RPAP1: variants seen among roughly 807,000 people sequenced by gnomAD.
RPAP1 encodes the protein RNA polymerase II associated protein 1.
In RPAP1, 109 loss-of-function variants were observed where a neutral mutation model predicts 142.4. That is an observed-to-expected ratio of 0.77 (90% CI 0.66 to 0.90). The LOEUF is 0.90. Among genes scored for constraint, RPAP1 ranks in the 40% least tolerant of loss-of-function variants. RPAP1 has a pLI of 0.00. For missense variants in RPAP1, 1,546 were observed against 1,751.7 expected (o/e 0.88, Z 2.10); for synonymous variants, 704 against 738.9 (o/e 0.95, Z 0.77).
intron 14 of RPAP1, among the ~76,000 whole-genome samples, 179 bp downstream of exon 14, chr15:41,526,719 G>A (rs1473781): frequency 0.27 from 41,121 of 152,140 alleles, 6,885 homozygotes; most frequent in Admixed American, 0.37. Flanking sequence ...CCAGGCTCCA[G>A]TAAACAGGCT....
chr15:41,528,524 G>A (rs949022771), intron 9 of RPAP1, among the ~76,000 whole-genome samples, 188 bp from the exon 10 acceptor site: 33 of 152,198 alleles, frequency 2.2e-4, no homozygotes, highest in Admixed American at 2.2e-3. Flanking sequence ...GCAGAGGAAC[G>A]TGATAACTGA....
chr15:41,528,559 G>GGA (rs367552869), intron 9 of RPAP1, among the ~76,000 whole-genome samples: 5 of 152,294 alleles, frequency 3.3e-5, no homozygotes, highest in Admixed American at 2.6e-4. Context: ...CCGGCGGACA[G>GGA]GAGAGAGAGA....
In RPAP1 at chr15:41,520,876, G is replaced by A; in HGVS notation, c.3310C>T (p.Leu1104=). The A allele has an allele frequency of 1.2e-6, 2 of 1,613,764 alleles. No individual in the cohort carries two copies. Among genetic ancestry groups the A allele is most frequent in the Non-Finnish European group, 1.7e-6 (2 of 1,180,024 alleles). The change falls in exon 22 of 25, where the codon CTG becomes TTG. Residue 1104 remains leucine, a synonymous_variant. Transcript: ENST00000304330. ...EPLLPTDWPF[L]PLIRLYHRAS... ...CGGTGGTAGAGGCGAATCAGTGGCA[G>A]GAAGGGCCAGTCGGTGGGCAGCAGC...
At chr15:41,527,628 G>T in intron 11 of RPAP1, 23 bp from the exon 12 acceptor site, 19 of 1,599,090 alleles carry the variant, frequency 1.2e-5, no homozygotes, top group Non-Finnish European at 1.6e-5. Context: ...CGGGAGTTGG[G>T]GGGCAATGCT....
At position 41,520,864 on chromosome 15, in the gene RPAP1, GA is replaced by G; in HGVS notation, c.3321del (p.Arg1108AlafsTer30). On this transcript the variant is annotated frameshift_variant, in exon 22 of 25. Coordinates refer to ENST00000304330, the MANE Select transcript of RPAP1 (RefSeq NM_015540.4). LOFTEE classifies it high-confidence loss of function. ...LPTDWPFLPL[I>X]RLYHRASDTP... is the part of the protein sequence containing the mutation. ...GTGTCTGAAGCCCGGTGGTAGAGGCGAATCAGTGGCAGGAAGGGCCAGTCGG... is the reference window on the plus strand; with the variant it reads ...GTGTCTGAAGCCCGGTGGTAGAGGCGATCAGTGGCAGGAAGGGCCAGTCGG... 2 of 1,613,874 alleles carry G rather than the reference GA, an allele frequency of 1.2e-6. No homozygotes were observed. Among genetic ancestry groups the G allele is most frequent in the Non-Finnish European group, 1.7e-6 (2 of 1,180,030 alleles).
rs557053819 is a variant in RPAP1, at chr15:41,536,342, C to T, written c.331-124G>A. The stretch of plus-strand genomic sequence containing the variant: ...TCTGGGGGGTTACGGACCCTCCTCC[C>T]TTCAGGGCAGTGATTCTAACCCAGC... On this transcript the variant is annotated intron_variant, in intron 3 of 24. Transcript: ENST00000304330. The T allele has an allele frequency of 4.7e-4, 619 of 1,309,844 alleles. 5 individuals carry two copies. The African/African-American group carries it at 7.8e-3, about 17-fold the overall frequency. The allele number at this position is 1,309,844 out of a possible 1,614,324, so 81.1% of individuals were successfully genotyped here.
Position 41,534,807 on chromosome 15 carries a change from C to T in RPAP1, c.670G>A (p.Ala224Thr), listed in dbSNP as rs762508894. ...ATGTTCTCTTCATGGATAGTCTGGG[C>T]TTCCTGCTCAGCTTCTTGATCCCTG... ...GLRDQEAEQE[A>T]QTIHEENIAR... Residue 224 changes from alanine (A) to threonine (T), a missense_variant, in exon 6 of 25, where the codon GCC becomes ACC. By Grantham distance (58) the Ala-to-Thr change is moderately conservative. Transcript: ENST00000304330. 12 of 1,614,130 alleles carry T rather than the reference C, an allele frequency of 7.4e-6. No individual in the cohort carries two copies. Among genetic ancestry groups the T allele is most frequent in the Non-Finnish European group, 9.3e-6 (11 of 1,180,018 alleles).
intron 6 of RPAP1, among the ~76,000 whole-genome samples, chr15:41,531,617 ATATATATATATTT>A (rs1566887867): frequency 3.2e-5 from 3 of 95,022 alleles, no homozygotes; most frequent in Admixed American, 1.1e-4. Flanking sequence ...ATATATATAT[ATATATATATATTT>A]TTTTTTTTTT....
At chr15:41,536,765 G>A in intron 2 of RPAP1, 116 bp from the exon 3 acceptor site, 1 of 1,439,886 alleles carries the variant, frequency 6.9e-7, no homozygotes, top group Admixed American at 2.1e-5. Context: ...GTCATCTTGG[G>A]TAAGATATTT....
At position 41,540,750 on chromosome 15, in the gene RPAP1, C is replaced by T. The variant is rs189417364; in HGVS notation, c.-77+3469G>A. On this transcript the variant is annotated intron_variant, in intron 1 of 24. Coordinates refer to ENST00000304330, the MANE Select transcript of RPAP1 (RefSeq NM_015540.4). ...CTTACCCACTATGTTCTACTGCCTACTGCTGTGTGGTGCCTGGGTGTCCTG... is the reference window on the plus strand; with the variant it reads ...CTTACCCACTATGTTCTACTGCCTATTGCTGTGTGGTGCCTGGGTGTCCTG... 1.2e-3 allele frequency among the ~76,000 whole-genome samples: 177 copies of T among 152,312 alleles called. 1 individual carries two copies. The highest frequency in any genetic ancestry group is 1.5e-3 in the Admixed American group (23 of 15,296).
intron 1 of RPAP1, chr15:41,543,870 T>G (rs959168955): frequency 5.9e-5 from 9 of 152,190 alleles, no homozygotes; most frequent in Non-Finnish European, 8.8e-5. Flanking sequence ...ACAATGGACC[T>G]CTGGGTTTAT....
In RPAP1 at chr15:41,528,249, G is replaced by A; in HGVS notation, c.1246C>T (p.Gln416Ter). ...QRALALHVLA[Q>*]VISRAQAGEF... ...AATCCACTCACCCTGCTGATGACCT[G>A]GGCTAACACATGCAGTGCCAGTGCT... is the stretch of plus-strand genomic sequence containing the variant. The change falls in exon 10 of 25, where the codon CAG becomes TAG. Residue 416 changes from glutamine (Q) to a stop codon, truncating the protein, a stop_gained. Coordinates refer to ENST00000304330, the MANE Select transcript of RPAP1 (RefSeq NM_015540.4). LOFTEE classifies it high-confidence loss of function. 1 of 1,607,396 alleles carries A rather than the reference G, an allele frequency of 6.2e-7. No individual in the cohort carries two copies. The highest frequency in any genetic ancestry group is 8.5e-7 in the Non-Finnish European group (1 of 1,176,824).
chr15:41,520,948 CCCCTCGG>C lies in RPAP1; in HGVS notation c.3231_3237del (p.His1077GlnfsTer28). 1.2e-6 allele frequency: 2 copies of C among 1,611,542 alleles called. No homozygotes were observed. Among genetic ancestry groups the C allele is most frequent in the Non-Finnish European group, 1.7e-6 (2 of 1,178,780 alleles). Reference sequence around the variant, plus strand: ...AGCAGGGTTGGGACTCGCTGTAGCTCCCCTCGGTGCAGAGCCTGGGAGGCCAGCAGAC... The same window carrying C: ...AGCAGGGTTGGGACTCGCTGTAGCTCTGCAGAGCCTGGGAGGCCAGCAGAC... On this transcript the variant is annotated frameshift_variant, in exon 22 of 25. Coordinates refer to ENST00000304330, the MANE Select transcript of RPAP1 (RefSeq NM_015540.4). LOFTEE classifies it high-confidence loss of function.
chr15:41,535,885 G>C (rs551346417), intron 4 of RPAP1, among the ~76,000 whole-genome samples: 44 of 152,144 alleles, frequency 2.9e-4, no homozygotes, highest in Admixed American at 1.3e-3. Flanking sequence ...TATCTCTTTG[G>C]GGTCTCAGTT....
rs149674428 is a variant in RPAP1 at position 41,519,354 on chromosome 15, T to C, written c.3795+1037A>G. ...TCCGGAGTAGCTGGGATTACAGGCATGCACCACGACACCCGGCTAATTTTT... is the reference window on the plus strand; with the variant it reads ...TCCGGAGTAGCTGGGATTACAGGCACGCACCACGACACCCGGCTAATTTTT... On this transcript the variant is annotated intron_variant, in intron 22 of 24. Coordinates refer to ENST00000304330, the MANE Select transcript of RPAP1 (RefSeq NM_015540.4). 6.4e-3 allele frequency among the ~76,000 whole-genome samples: 967 copies of C among 151,914 alleles called. 16 individuals carry two copies. Among genetic ancestry groups the C allele is most frequent in the African/African-American group, 0.022 (915 of 41,398 alleles).
At chr15:41,531,621 ATATATATTTTTT>A (rs2051850290) in intron 6 of RPAP1, among the ~76,000 whole-genome samples, 2 of 34,228 alleles carry the variant, frequency 5.8e-5, no homozygotes, top group African/African-American at 2.2e-4. Flanking sequence ...ATATATATAT[ATATATATTTTTT>A]TTTTTTTTTT....
chr15:41,520,282 A>G lies in RPAP1; in HGVS notation c.3795+109T>C. ...TCTCTTAATCCCCTCAAAGCCCCCAAGAGGTAAGATGAGGAAGCTGAGGTC... is the reference window on the plus strand; with the variant it reads ...TCTCTTAATCCCCTCAAAGCCCCCAGGAGGTAAGATGAGGAAGCTGAGGTC... On this transcript the variant is annotated intron_variant, in intron 22 of 24. Transcript: ENST00000304330. 4 of 1,228,938 alleles carry G rather than the reference A, an allele frequency of 3.3e-6. No homozygotes were observed. The South Asian group carries it at 3.9e-5, about 12-fold the overall frequency. 76.1% of individuals were successfully genotyped at this position (1,228,938 alleles called of 1,614,324 possible).
Position 41,517,782 on chromosome 15 carries a change from A to C in RPAP1, c.4032+16T>G. 1 of 1,614,050 alleles carries C rather than the reference A, an allele frequency of 6.2e-7. No homozygotes were observed. The highest frequency in any genetic ancestry group is 8.5e-7 in the Non-Finnish European group (1 of 1,179,986). On this transcript the variant is annotated intron_variant, in intron 24 of 24. Transcript: ENST00000304330. ...GATCCTCTAATATCCCACCCTCCTA[A>C]TGGCCCTGACCCTACCTCATCTGCC...
rs759266705 is a variant in RPAP1, at chr15:41,527,382, G to A, written c.1611+41C>T. The A allele has an allele frequency of 1.1e-5, 18 of 1,613,098 alleles. No individual in the cohort carries two copies. In the East Asian group the frequency reaches 3.8e-4, roughly 34 times the overall value. The stretch of plus-strand genomic sequence containing the variant: ...TGGCCCCTCTTTCCAGCATGTGCTT[G>A]TCCCCTGGGCCATGGGATGGGAAAG... On this transcript the variant is annotated intron_variant, in intron 12 of 24. Transcript: ENST00000304330.
Sources: allele counts gnomAD v4.1 joint callset (sites outside exome capture counted in the v4.1 genomes callset), GRCh38; gene constraint gnomAD v4.1.1; transcripts MANE v1.5; gene names NCBI Gene and HGNC (gene_info 2026-07-23, HGNC 2026-07-21).